SOD1: variants seen among roughly 807,000 people sequenced by gnomAD.
SOD1 encodes superoxide dismutase 1.
SOD1 carries 8 observed loss-of-function variants against 15.9 expected under a neutral mutation model. That is an observed-to-expected ratio of 0.50 (90% confidence interval 0.30 to 0.91). SOD1 has a LOEUF of 0.91. Among genes scored for constraint, SOD1 ranks in the 40% least tolerant of loss-of-function variants. The pLI is 0.07. For synonymous variants in SOD1, 86 were observed against 71.2 expected (o/e 1.21, Z -1.04); for missense variants, 137 against 194.5 (o/e 0.70, Z 1.76).
chr21:31,663,471 A>G (rs2049566635), intron 1 of SOD1, among the ~76,000 whole-genome samples: 1 of 152,238 alleles, frequency 6.6e-6, no homozygotes, highest in Non-Finnish European at 1.5e-5. Context: ...TGAAGTATCT[A>G]ACACTGATGT....
At chr21:31,664,437 T>A (rs988106686) in intron 2 of SOD1, 3 of 183,528 alleles carry the variant, frequency 1.6e-5, no homozygotes, top group Non-Finnish European at 3.7e-5. Context: ...GTGGACCTGC[T>A]TCTGAAGGTC....
chr21:31,660,759 C>T (rs1057034057), intron 1 of SOD1: 4 of 152,128 alleles, frequency 2.6e-5, no homozygotes, highest in African/African-American at 9.7e-5. Flanking sequence ...TGATGTGCAC[C>T]TACGATTGAG....
chr21:31,663,638 G>C (rs1002006227), intron 1 of SOD1, 152 bp from the exon 2 acceptor site: 1 of 629,198 alleles, frequency 1.6e-6, no homozygotes, highest in African/African-American at 1.8e-5. Flanking sequence ...CTTGCTGGAG[G>C]TTCACTGGCT....
intron 1 of SOD1, chr21:31,660,110 C>G: frequency 5.8e-6 from 1 of 173,806 alleles, no homozygotes; most frequent in Admixed American, 6.3e-5. Context: ...GAGGGATTGC[C>G]GCGGGCCGGG....
intron 1 of SOD1, among the ~76,000 whole-genome samples, chr21:31,663,025 GAAA>G: frequency 7.4e-6 from 1 of 134,676 alleles, no homozygotes; most frequent in South Asian, 2.4e-4. Flanking sequence ...AAAAAAAAAA[GAAA>G]AAAACTTATG....
chr21:31,662,478 G>A (rs577972406), intron 1 of SOD1, among the ~76,000 whole-genome samples: 5 of 152,242 alleles, frequency 3.3e-5, no homozygotes, highest in Non-Finnish European at 5.9e-5. Flanking sequence ...TGGATGTTGT[G>A]TTTATTTTAG....
intron 1 of SOD1, 111 bp downstream of exon 1, chr21:31,659,952 A>G (rs1016657598): frequency 9.1e-7 from 1 of 1,103,458 alleles, no homozygotes; most frequent in South Asian, 1.3e-5. Context: ...GCCCTGGTCC[A>G]GCGCCCGGTC....
intron 1 of SOD1, among the ~76,000 whole-genome samples, chr21:31,663,523 A>G (rs906560821): frequency 6.6e-6 from 1 of 152,192 alleles, no homozygotes; most frequent in Non-Finnish European, 1.5e-5. Context: ...GGTGCTTTTT[A>G]TGTTATTTAA....
At chr21:31,668,397 A>G (rs910096409) in intron 4 of SOD1, 74 bp from the exon 5 acceptor site, 5 of 924,336 alleles carry the variant, frequency 5.4e-6, no homozygotes, top group Admixed American at 5.1e-5. Flanking sequence ...GTTCTTAAAC[A>G]TCTTTTGGGT....
intron 2 of SOD1, 90 bp from the exon 3 acceptor site, chr21:31,666,359 C>A: frequency 1.0e-6 from 1 of 961,504 alleles, no homozygotes; most frequent in South Asian, 1.4e-5. Context: ...AGCACTTTCT[C>A]CATGGGAAGT....
Position 31,659,841 on chromosome 21 carries a change from G to A in SOD1, c.72G>A (p.Lys24=), listed in dbSNP as rs1467183070. ...AGGGCATCATCAATTTCGAGCAGAA[G>A]GCAAGGGCTGGGACGGAGGCTTGTT... ...PVQGIINFEQ[K]ESNGPVKVWG... Residue 24 remains lysine, a splice_region_variant and synonymous_variant, in exon 1 of 5, where the codon AAG becomes AAA. Coordinates refer to ENST00000270142, the MANE Select transcript of SOD1 (RefSeq NM_000454.5). The A allele has an allele frequency of 6.2e-7, 1 of 1,613,194 alleles. No homozygotes were observed. The highest frequency in any genetic ancestry group is 1.1e-5 in the South Asian group (1 of 91,084).
At chr21:31,667,024 AC>A (rs1461817070) in intron 3 of SOD1, 1 of 574,074 alleles carries the variant, frequency 1.7e-6, no homozygotes, top group Non-Finnish European at 3.1e-6. Context: ...AACAGGCATA[AC>A]TCAGTAACTG....
In SOD1 at chr21:31,659,759, C is replaced by T; in HGVS notation, c.-11C>T. 1.2e-6 allele frequency: 2 copies of T among 1,613,830 alleles called. No homozygotes were observed. Among genetic ancestry groups the T allele is most frequent in the Non-Finnish European group, 1.7e-6 (2 of 1,179,832 alleles). On this transcript the variant is annotated 5_prime_UTR_variant, in exon 1 of 5. Transcript: ENST00000270142. Reference sequence around the variant, plus strand: ...CCTCGGAACCAGGACCTCGGCGTGGCCTAGCGAGTTATGGCGACGAAGGCC... The same window carrying T: ...CCTCGGAACCAGGACCTCGGCGTGGTCTAGCGAGTTATGGCGACGAAGGCC...
intron 3 of SOD1, 169 bp from the exon 4 acceptor site, chr21:31,667,089 A>C (rs2049600131): frequency 1.5e-6 from 1 of 655,752 alleles, no homozygotes; most frequent in Admixed American, 2.2e-5. Flanking sequence ...CTTTCTTCCC[A>C]GAGCATTAGT....
rs755349211 is a variant in SOD1, at chr21:31,659,728, T to G, written c.-42T>G. On this transcript the variant is annotated 5_prime_UTR_variant, in exon 1 of 5. Transcript: ENST00000270142. ...CTCCTGCAGCGTCTGGGGTTTCCGT[T>G]GCAGTCCTCGGAACCAGGACCTCGG... 2 of 1,606,760 alleles carry G rather than the reference T, an allele frequency of 1.2e-6. No individual in the cohort carries two copies. The highest frequency in any genetic ancestry group is 8.5e-7 in the Non-Finnish European group (1 of 1,173,644).
chr21:31,668,515 A>C lies in SOD1; in HGVS notation c.402A>C (p.Glu134Asp). The change falls in exon 5 of 5, where the codon GAA becomes GAC. Residue 134 changes from glutamate (E) to aspartate (D), a missense_variant. Transcript: ENST00000270142. ...ADDLGKGGNE[E>D]STKTGNAGSR... ...ACTTGGGCAAAGGTGGAAATGAAGA[A>C]AGTACAAAGACAGGAAACGCTGGAA... 1 of 1,613,994 alleles carries C rather than the reference A, an allele frequency of 6.2e-7. No individual in the cohort carries two copies. The highest frequency in any genetic ancestry group is 1.7e-5 in the Admixed American group (1 of 60,028).
At position 31,663,804 on chromosome 21, in the gene SOD1, A is replaced by G. The variant is rs145198224; in HGVS notation, c.87A>G (p.Pro29=). ...TTTTCTTAAAGGAAAGTAATGGACC[A>G]GTGAAGGTGTGGGGAAGCATTAAAG... ...INFEQKESNG[P]VKVWGSIKGL... is the part of the protein sequence containing the mutation. Residue 29 remains proline (P), a synonymous_variant, in exon 2 of 5, where the codon CCA becomes CCG. Coordinates refer to ENST00000270142, the MANE Select transcript of SOD1 (RefSeq NM_000454.5). 2.7e-5 allele frequency: 44 copies of G among 1,612,500 alleles called. No homozygotes were observed. The African/African-American group carries it at 4.1e-4, about 15-fold the overall frequency.
chr21:31,667,007 A>G lies in SOD1; in HGVS notation c.240-251A>G, dbSNP rs2070424. ...GGGACATAGCTTTGTTAGCTATGCC[A>G]GTAATTAACAGGCATAACTCAGTAA... On this transcript the variant is annotated intron_variant, in intron 3 of 4. Coordinates refer to ENST00000270142, the MANE Select transcript of SOD1 (RefSeq NM_000454.5). The G allele has an allele frequency of 0.13, 69,189 of 542,660 alleles. 8,267 individuals carry two copies. The highest frequency in any genetic ancestry group is 0.52 in the East Asian group (16,254 of 31,102). 33.6% of individuals were successfully genotyped at this position (542,660 alleles called of 1,614,324 possible).
chr21:31,664,974 T>C (rs910750155), intron 2 of SOD1, among the ~76,000 whole-genome samples: 2 of 152,114 alleles, frequency 1.3e-5, no homozygotes, highest in African/African-American at 4.8e-5. Flanking sequence ...CTCTTAACTT[T>C]TGTAATGATC....
Sources: gnomAD v4.1 joint callset for allele counts (sites outside exome capture counted in the v4.1 genomes callset) on GRCh38, gnomAD v4.1.1 for gene constraint, MANE v1.5 for transcripts, NCBI Gene and HGNC (gene_info 2026-07-23, HGNC 2026-07-21) for gene names.